Variants in PDE4D observed in about 807,000 individuals in gnomAD.
The protein encoded by PDE4D is 3',5'-cyclic-AMP phosphodiesterase 4D.
PDE4D carries 24 observed loss-of-function variants against 87.4 expected under a neutral mutation model. The ratio of observed to expected loss-of-function variants is 0.27; its 90% confidence interval spans 0.20 to 0.39. PDE4D has a LOEUF of 0.39. Ranked by LOEUF, PDE4D falls within the 10% of genes least tolerant of loss-of-function variation. The pLI is 1.00. For missense variants in PDE4D, 714 were observed against 1,041.0 expected (o/e 0.69, Z 4.32); for synonymous variants, 384 against 383.2 (o/e 1.00, Z -0.02).
At chr5:60,146,438 G>A (rs896424149) in intron 2 of PDE4D, among the ~76,000 whole-genome samples, 5 of 152,248 alleles carry the variant, frequency 3.3e-5, no homozygotes, top group East Asian at 3.9e-4. Flanking sequence ...AGCTATTTAC[G>A]CAAACATAAT....
intron 1 of PDE4D, among the ~76,000 whole-genome samples, chr5:60,349,632 T>G (rs1164634718): frequency 6.6e-6 from 1 of 152,122 alleles, no homozygotes; most frequent in African/African-American, 2.4e-5. Context: ...TTTCTGAAAT[T>G]TATAAACACA....
intron 5 of PDE4D, among the ~76,000 whole-genome samples, chr5:59,071,271 C>T (rs1306123223): frequency 6.6e-6 from 1 of 152,030 alleles, no homozygotes; most frequent in Non-Finnish European, 1.5e-5. Context: ...TTATATTGTG[C>T]TAAATGCTCC....
intron 1 of PDE4D, among the ~76,000 whole-genome samples, chr5:60,322,874 A>T (rs536888070): frequency 3.3e-4 from 51 of 152,348 alleles, no homozygotes; most frequent in African/African-American, 1.2e-3. Context: ...CTTTCGCTAA[A>T]GTTGCCAATG....
chr5:60,479,450 A>G (rs1251311329), intron 1 of PDE4D, among the ~76,000 whole-genome samples: 3 of 152,198 alleles, frequency 2.0e-5, no homozygotes, highest in African/African-American at 4.8e-5. Context: ...GCCTACTGCA[A>G]TAAATTCTTG....
rs113726391 is a variant in PDE4D, at chr5:59,507,906, G to A, written c.456-291938C>T. On this transcript the variant is annotated intron_variant, in intron 1 of 14. Transcript: ENST00000340635. ...ATTAATCTAATTGCTGCTTACATGG[G>A]TATGTTATCTTCATGGAAATTTACC... is the stretch of plus-strand genomic sequence containing the variant. 1.8e-3 allele frequency among the ~76,000 whole-genome samples: 281 copies of A among 152,046 alleles called. 3 individuals are homozygous for A. The highest frequency in any genetic ancestry group is 6.5e-3 in the African/African-American group (271 of 41,470).
At chr5:59,669,276 G>T (rs1173884194) in intron 1 of PDE4D, among the ~76,000 whole-genome samples, 1 of 152,004 alleles carries the variant, frequency 6.6e-6, no homozygotes, top group African/African-American at 2.4e-5. Flanking sequence ...ACCACACCCG[G>T]CTAATTTTGT....
intron 1 of PDE4D, among the ~76,000 whole-genome samples, chr5:60,277,518 A>G (rs1013288880): frequency 6.6e-6 from 1 of 152,160 alleles, no homozygotes; most frequent in Non-Finnish European, 1.5e-5. Flanking sequence ...TAATGCAGTT[A>G]TATAGGATAA....
intron 1 of PDE4D, among the ~76,000 whole-genome samples, chr5:59,337,329 C>CA (rs1554136229): frequency 4.5e-5 from 6 of 133,502 alleles, no homozygotes; most frequent in African/African-American, 6.8e-5. Flanking sequence ...AAGTTCCCCC[C>CA]CCCCCACCTT....
intron 1 of PDE4D, among the ~76,000 whole-genome samples, chr5:59,240,787 C>T (rs992066142): frequency 3.2e-5 from 2 of 63,058 alleles, no homozygotes; most frequent in African/African-American, 1.4e-4. Flanking sequence ...CAAACACACA[C>T]ACACACACAC....
At chr5:59,906,780 G>A (rs1402733914) in intron 3 of PDE4D, among the ~76,000 whole-genome samples, 1 of 152,086 alleles carries the variant, frequency 6.6e-6, no homozygotes, top group Non-Finnish European at 1.5e-5. Context: ...CACTGTTGAT[G>A]GGAGTGTAAA....
intron 2 of PDE4D, among the ~76,000 whole-genome samples, chr5:60,106,228 CT>C (rs1281033035): frequency 6.6e-6 from 1 of 151,386 alleles, no homozygotes; most frequent in Non-Finnish European, 1.5e-5. Context: ...ATAAAACAGA[CT>C]TTAAACCAAC....
At chr5:59,849,034 G>A (rs1744293709) in intron 1 of PDE4D, among the ~76,000 whole-genome samples, 1 of 152,010 alleles carries the variant, frequency 6.6e-6, no homozygotes, top group African/African-American at 2.4e-5. Flanking sequence ...CTGTGAGGAG[G>A]AAGTGTTTTC....
chr5:60,047,334 A>G (rs1769411905), intron 2 of PDE4D, among the ~76,000 whole-genome samples: 1 of 152,012 alleles, frequency 6.6e-6, no homozygotes, highest in Non-Finnish European at 1.5e-5. Flanking sequence ...GGATTCATTA[A>G]TTTTTTGAAG....
At chr5:60,053,787 C>A (rs1437054008) in intron 2 of PDE4D, among the ~76,000 whole-genome samples, 1 of 152,154 alleles carries the variant, frequency 6.6e-6, no homozygotes, top group Non-Finnish European at 1.5e-5. Flanking sequence ...ATCTATCCAT[C>A]TGACAAAGGT....
At chr5:60,312,632 C>A (rs949993729) in intron 1 of PDE4D, among the ~76,000 whole-genome samples, 1 of 152,118 alleles carries the variant, frequency 6.6e-6, no homozygotes, top group Non-Finnish European at 1.5e-5. Flanking sequence ...ATCACAAGAA[C>A]CACATGGGGG....
chr5:60,473,988 T>C (rs1202452015), intron 1 of PDE4D, among the ~76,000 whole-genome samples: 2 of 150,318 alleles, frequency 1.3e-5, no homozygotes, highest in African/African-American at 2.4e-5. Flanking sequence ...AAGGCCTAAT[T>C]TGAATCCTAT....
intron 1 of PDE4D, among the ~76,000 whole-genome samples, chr5:59,417,035 T>A (rs1309695094): frequency 6.6e-6 from 1 of 152,170 alleles, no homozygotes; most frequent in Non-Finnish European, 1.5e-5. Context: ...CGAAATATTG[T>A]GTATGAAGTC....
intron 1 of PDE4D, among the ~76,000 whole-genome samples, chr5:59,303,073 G>T (rs909027862): frequency 3.9e-5 from 6 of 151,950 alleles, no homozygotes; most frequent in African/African-American, 1.5e-4. Flanking sequence ...TTTTATTATG[G>T]CCATTCTTGC....
chr5:59,428,164 ATTTCCCTGT>A lies in PDE4D; in HGVS notation c.456-212205_456-212197del, dbSNP rs1178139173. 7.2e-5 allele frequency among the ~76,000 whole-genome samples: 11 copies of A among 152,258 alleles called. 2 individuals are homozygous for A. Among genetic ancestry groups the A allele is most frequent in the African/African-American group, 2.6e-4 (11 of 41,560 alleles). ...GTGATTTTCTAATAATTTGGGAATTATTTCCCTGTTTTCCAAGAAAAACATGCTGTTCTT... is the reference window on the plus strand; with the variant it reads ...GTGATTTTCTAATAATTTGGGAATTATTTCCAAGAAAAACATGCTGTTCTT... On this transcript the variant is annotated intron_variant, in intron 1 of 14. Transcript: ENST00000340635.
Sources: gnomAD v4.1 joint callset for allele counts (sites outside exome capture counted in the v4.1 genomes callset) on GRCh38, gnomAD v4.1.1 for gene constraint, MANE v1.5 for transcripts, NCBI Gene and HGNC (gene_info 2026-07-23, HGNC 2026-07-21) for gene names.